ATG7: variants seen among roughly 807,000 people sequenced by gnomAD.
ATG7 encodes autophagy related 7, also known as ubiquitin-like modifier-activating enzyme ATG7.
ATG7 carries 70 observed loss-of-function variants against 82.4 expected under a neutral mutation model. That is an observed-to-expected ratio of 0.85 (90% CI 0.70 to 1.04). ATG7 has a LOEUF of 1.04. Ranked by LOEUF, ATG7 falls within the 50% of genes least tolerant of loss-of-function variation. The pLI is 0.00. For missense variants in ATG7, 792 were observed against 864.3 expected (o/e 0.92, Z 1.05); for synonymous variants, 287 against 313.0 (o/e 0.92, Z 0.88).
intron 20 of ATG7, among the ~76,000 whole-genome samples, chr3:11,525,481 C>T (rs1432848945): frequency 7.4e-6 from 1 of 135,236 alleles, no homozygotes. Context: ...CTCCTTTGCC[C>T]TTGTATGTGA....
At chr3:11,411,193 A>C (rs568380347) in intron 19 of ATG7, among the ~76,000 whole-genome samples, 7 of 152,092 alleles carry the variant, frequency 4.6e-5, no homozygotes, top group Non-Finnish European at 8.8e-5. Flanking sequence ...TCTAATTATC[A>C]GTGATGTTGA....
intron 20 of ATG7, among the ~76,000 whole-genome samples, chr3:11,468,759 C>T (rs577032956): frequency 5.3e-5 from 8 of 152,282 alleles, no homozygotes; most frequent in Admixed American, 1.3e-4. Flanking sequence ...AGGGACTGTA[C>T]GCAAAATGTT....
At chr3:11,575,022 C>T in the ATG7 span, among the ~76,000 whole-genome samples, 2 of 152,142 alleles carry the variant, frequency 1.3e-5, no homozygotes, top group Admixed American at 1.3e-4. Flanking sequence ...CTTTTCATTA[C>T]TCCTGCATCT....
intron 20 of ATG7, among the ~76,000 whole-genome samples, chr3:11,539,662 T>C (rs2070661123): frequency 1.3e-5 from 2 of 152,252 alleles, no homozygotes; most frequent in African/African-American, 4.8e-5. Flanking sequence ...GTAAATATGT[T>C]TTTATATTGT....
Position 11,480,850 on chromosome 3 carries a change from C to T in ATG7, c.2079+53924C>T, listed in dbSNP as rs536623772. On this transcript the variant is annotated intron_variant, in intron 20 of 20. Transcript: ENST00000693202. The stretch of plus-strand genomic sequence containing the variant: ...TCGGCAAGTAGCCTCCAGTCCTGGC[C>T]GGCTGGGCCTCTCTTCTTCCCAGTC... 3.3e-5 allele frequency among the ~76,000 whole-genome samples: 5 copies of T among 152,298 alleles called. 1 individual carries two copies. Among genetic ancestry groups the T allele is most frequent in the African/African-American group, 4.8e-5 (2 of 41,562 alleles).
intron 20 of ATG7, among the ~76,000 whole-genome samples, chr3:11,459,150 A>G (rs941036867): frequency 8.2e-5 from 12 of 146,560 alleles, no homozygotes; most frequent in Admixed American, 2.8e-4. Flanking sequence ...CAATAATCCT[A>G]AAGTGAGGAG....
chr3:11,530,917 G>T (rs548362191), intron 20 of ATG7, among the ~76,000 whole-genome samples: 1 of 152,326 alleles, frequency 6.6e-6, no homozygotes, highest in East Asian at 1.9e-4. Flanking sequence ...GGAGGCAGAG[G>T]TTGCAGTGAG....
At chr3:11,550,472 G>A (rs1402896708) in intron 20 of ATG7, among the ~76,000 whole-genome samples, 1 of 152,170 alleles carries the variant, frequency 6.6e-6, no homozygotes, top group African/African-American at 2.4e-5. Context: ...TGCAGTCACA[G>A]CTCACTGCGG....
rs56859088 is a variant in ATG7 at position 11,433,289 on chromosome 3, TAAAAAA to T, written c.2079+6384_2079+6389del. Reference sequence around the variant, plus strand: ...ACAGAGCAAGACCCTGTCTCTTATTTAAAAAAAAAAAAAAAAAAAAAAAAAAGCTGC... The same window carrying T: ...ACAGAGCAAGACCCTGTCTCTTATTTAAAAAAAAAAAAAAAAAAAAGCTGC... On this transcript the variant is annotated intron_variant, in intron 20 of 20. Coordinates refer to ENST00000693202, the MANE Select transcript of ATG7 (RefSeq NM_001349232.2). 2.3e-4 allele frequency among the ~76,000 whole-genome samples: 19 copies of T among 83,810 alleles called. No individual in the cohort carries two copies. In the East Asian group the frequency reaches 5.3e-3, roughly 23 times the overall value. The allele number at this position is 83,810 out of a possible 152,430, so 55.0% of individuals were successfully genotyped here.
At chr3:11,527,071 G>GTGTGTGTGTGTATATA (rs1305045814) in intron 20 of ATG7, among the ~76,000 whole-genome samples, 1 of 127,416 alleles carries the variant, frequency 7.8e-6, no homozygotes, top group Non-Finnish European at 1.6e-5. Context: ...GTGTGTGTGT[G>GTGTGTGTGTGTATATA]TATATATATA....
chr3:11,424,667 T>C (rs2082213990), intron 19 of ATG7, among the ~76,000 whole-genome samples: 1 of 152,044 alleles, frequency 6.6e-6, no homozygotes, highest in Non-Finnish European at 1.5e-5. Flanking sequence ...AATTATTAAG[T>C]AACACATGCA....
chr3:11,496,142 AG>A (rs1321643549), intron 20 of ATG7, among the ~76,000 whole-genome samples: 1 of 152,210 alleles, frequency 6.6e-6, no homozygotes, highest in Non-Finnish European at 1.5e-5. Context: ...CATTAAAAGG[AG>A]GACGTTATCG....
intron 20 of ATG7, among the ~76,000 whole-genome samples, chr3:11,553,383 T>C (rs1230496352): frequency 6.7e-6 from 1 of 150,260 alleles, no homozygotes; most frequent in Non-Finnish European, 1.5e-5. Context: ...GAATGTGTGT[T>C]CGTTGAATGG....
intron 20 of ATG7, among the ~76,000 whole-genome samples, chr3:11,436,101 G>A (rs1029442864): frequency 2.0e-5 from 3 of 152,030 alleles, no homozygotes; most frequent in African/African-American, 7.2e-5. Flanking sequence ...AATATATAGG[G>A]AACTCTTACA....
At chr3:11,558,978 G>T, downstream of ATG7, 1 of 968,308 alleles carries the variant, frequency 1.0e-6, no homozygotes, top group Non-Finnish European at 1.5e-6. Flanking sequence ...CCCCGGCTAA[G>T]TCAGGCACTT....
At chr3:11,338,945 A>G (rs1045148320) in intron 11 of ATG7, among the ~76,000 whole-genome samples, 1 of 152,146 alleles carries the variant, frequency 6.6e-6, no homozygotes, top group Non-Finnish European at 1.5e-5. Flanking sequence ...AAAGTTTCCC[A>G]AGGAAAGGAA....
chr3:11,570,646 T>A, the ATG7 span, among the ~76,000 whole-genome samples: 1 of 152,166 alleles, frequency 6.6e-6, no homozygotes, highest in Admixed American at 6.5e-5. Context: ...ACAAGGGAGT[T>A]AAGGAGATTT....
rs1222864532 is a variant in ATG7, at chr3:11,306,981, GAA to G, written c.255_256del (p.Leu87ValfsTer2). 6.2e-7 allele frequency: 1 copy of G among 1,613,890 alleles called. No individual in the cohort carries two copies. Among genetic ancestry groups the G allele is most frequent in the Non-Finnish European group, 8.5e-7 (1 of 1,179,996 alleles). ...CCAGCCCGTTGCTGCCCAGCTATTG[GAA>G]CACTGTATAACACCAACACACTCGA... On this transcript the variant is annotated frameshift_variant, in exon 6 of 21. Transcript: ENST00000693202. LOFTEE classifies it high-confidence loss of function.
chr3:11,407,714 C>G (rs748306060), intron 19 of ATG7, among the ~76,000 whole-genome samples: 1 of 152,234 alleles, frequency 6.6e-6, no homozygotes. Flanking sequence ...GCTGTCAAGT[C>G]TTGGGGCTTG....
Sources: allele counts gnomAD v4.1 joint callset (sites outside exome capture counted in the v4.1 genomes callset), GRCh38; gene constraint gnomAD v4.1.1; transcripts MANE v1.5; gene names NCBI Gene and HGNC (gene_info 2026-07-23, HGNC 2026-07-21).